Variants in ITPRID2 observed in about 807,000 individuals in gnomAD.
ITPRID2 encodes protein ITPRID2.
Under a neutral mutation model 124.3 loss-of-function variants are expected in ITPRID2, and 60 were observed. That is an observed-to-expected ratio of 0.48 (90% confidence interval 0.39 to 0.60). ITPRID2 has a LOEUF of 0.60. Ranked by LOEUF, ITPRID2 falls within the 20% of genes least tolerant of loss-of-function variation. The probability of loss-of-function intolerance (pLI) is 0.00; values close to 1 mark genes in which losing one functional copy is unlikely to be tolerated. For synonymous variants in ITPRID2, 521 were observed against 542.9 expected (o/e 0.96, Z 0.56); for missense variants, 1,553 against 1,512.2 (o/e 1.03, Z -0.45).
Position 181,918,628 on chromosome 2 carries a change from G to A in ITPRID2, c.2818G>A (p.Ala940Thr). Residue 940 changes from alanine to threonine, a missense_variant, in exon 12 of 18, where the codon GCT becomes ACT. Transcript: ENST00000431877. ...YPMMRGPDPA[A>T]APYSTQKSSV... The stretch of plus-strand genomic sequence containing the variant: ...TATGATGAGAGGACCTGATCCTGCT[G>A]CTGCTCCATATAGTACTCAGAAATC... The A allele has an allele frequency of 1.9e-6, 3 of 1,614,046 alleles. No individual in the cohort carries two copies. The highest frequency in any genetic ancestry group is 2.5e-6 in the Non-Finnish European group (3 of 1,179,956).
chr2:181,892,885 A>G lies in ITPRID2; in HGVS notation c.257+225A>G, dbSNP rs1691878900. The G allele has an allele frequency of 1.7e-6, 1 of 592,950 alleles. No individual in the cohort carries two copies. Among genetic ancestry groups the G allele is most frequent in the African/African-American group, 1.9e-5 (1 of 53,812 alleles). 36.7% of individuals were successfully genotyped at this position (592,950 alleles called of 1,614,324 possible). On this transcript the variant is annotated intron_variant, in intron 2 of 17. Transcript: ENST00000431877. The surrounding 1 kb of genome is among the most constrained non-coding windows in gnomAD (Gnocchi z 5.2). ...TGACTTTACAGTTAGGACTTGAGCT[A>G]CTCACGCATCGTGTTAGCATCAGAG...
Position 181,907,535 on chromosome 2 carries a change from C to G in ITPRID2, c.1414-2364C>G, listed in dbSNP as rs1429569694. ...TTAGAGAAAATAATATCATGAACACCCATTACTCATCATTCTAATTCAGTT... is the reference window on the plus strand; with the variant it reads ...TTAGAGAAAATAATATCATGAACACGCATTACTCATCATTCTAATTCAGTT... On this transcript the variant is annotated intron_variant, in intron 8 of 17. Coordinates refer to ENST00000431877, the MANE Select transcript of ITPRID2 (RefSeq NM_001130445.3). The surrounding 1 kb of genome is among the most constrained non-coding windows in gnomAD (Gnocchi z 5.1). Among the ~76,000 whole-genome samples the G allele has an allele frequency of 6.6e-6, 1 of 151,748 alleles. No individual in the cohort carries two copies. Among genetic ancestry groups the G allele is most frequent in the African/African-American group, 2.4e-5 (1 of 41,290 alleles).
At chr2:181,912,894 T>G (rs1693715725) in intron 9 of ITPRID2, among the ~76,000 whole-genome samples, 1 of 152,220 alleles carries the variant, frequency 6.6e-6, no homozygotes, top group South Asian at 2.1e-4. Context: ...TTTATAAGAT[T>G]AACAATATTA....
In ITPRID2 at chr2:181,925,970, T is replaced by C. The variant is rs577326266; in HGVS notation, c.3676-2191T>C. On this transcript the variant is annotated intron_variant, in intron 16 of 17. Transcript: ENST00000431877. The stretch of plus-strand genomic sequence containing the variant: ...CATTAATGAATCAATAAATTATTTT[T>C]CCTTTAGTATTTTATGAAACCGACG... Among the ~76,000 whole-genome samples, 5 of 152,350 alleles carry C rather than the reference T, an allele frequency of 3.3e-5. No individual in the cohort carries two copies. In the South Asian group the frequency reaches 1.0e-3, roughly 32 times the overall value.
rs373950297 is a variant in ITPRID2, at chr2:181,913,894, T to A, written c.1536T>A (p.Ala512=). 6.2e-7 allele frequency: 1 copy of A among 1,613,560 alleles called. No homozygotes were observed. The highest frequency in any genetic ancestry group is 8.5e-7 in the Non-Finnish European group (1 of 1,179,784). The stretch of plus-strand genomic sequence containing the variant: ...AGCATTCCGATAGCAGTGGTTTTGC[T>A]GAAGATTCTACAGACTGCCTATCCC... ...ASQHSDSSGF[A]EDSTDCLSLN... Residue 512 remains alanine, a synonymous_variant, in exon 10 of 18, where the codon GCT becomes GCA. Coordinates refer to ENST00000431877, the MANE Select transcript of ITPRID2 (RefSeq NM_001130445.3).
chr2:181,896,811 A>T lies in ITPRID2; in HGVS notation c.308-97A>T. 1.1e-6 allele frequency: 1 copy of T among 891,680 alleles called. No homozygotes were observed. Among genetic ancestry groups the T allele is most frequent in the Non-Finnish European group, 1.9e-6 (1 of 536,274 alleles). 55.2% of individuals were successfully genotyped at this position (891,680 alleles called of 1,614,324 possible). On this transcript the variant is annotated intron_variant, in intron 3 of 17. Transcript: ENST00000431877. This position sits in a 1 kb window ranked among gnomAD's most constrained non-coding sequence, Gnocchi z 4.3. ...TCAAGTCTGAAAGATTTTACTGTAT[A>T]AGATATTTTGCTGGGTGAATTTAAC...
In ITPRID2 at chr2:181,892,366, A is replaced by C. The variant is rs531593151; in HGVS notation, c.211+89A>C. 1 of 1,406,154 alleles carries C rather than the reference A, an allele frequency of 7.1e-7. No homozygotes were observed. The highest frequency in any genetic ancestry group is 2.5e-5 in the East Asian group (1 of 39,996). The allele number at this position is 1,406,154 out of a possible 1,614,324, so 87.1% of individuals were successfully genotyped here. On this transcript the variant is annotated intron_variant, in intron 1 of 17. Transcript: ENST00000431877. This position sits in a 1 kb window ranked among gnomAD's most constrained non-coding sequence, Gnocchi z 5.2. The stretch of plus-strand genomic sequence containing the variant: ...GGGCGCCTGCCACGAGTTCTGGGAG[A>C]GCCTCGGGCACGGTAGGCCGAGGGG...
chr2:181,910,569 T>C lies in ITPRID2; in HGVS notation c.1486+598T>C. 1 of 691,886 alleles carries C rather than the reference T, an allele frequency of 1.4e-6. No individual in the cohort carries two copies. The highest frequency in any genetic ancestry group is 1.6e-5 in the South Asian group (1 of 61,804). The allele number at this position is 691,886 out of a possible 1,614,324, so 42.9% of individuals were successfully genotyped here. ...CAACAAAAATGTGTGATCTTTGGAT[T>C]TACAAAACTTTTGAGCTTTAGAGAA... is the stretch of plus-strand genomic sequence containing the variant. On this transcript the variant is annotated intron_variant, in intron 9 of 17. Transcript: ENST00000431877. This position sits in a 1 kb window ranked among gnomAD's most constrained non-coding sequence, Gnocchi z 4.1.
At chr2:181,916,820 A>G (rs775986469) in intron 11 of ITPRID2, 24 of 1,003,752 alleles carry the variant, frequency 2.4e-5, no homozygotes, top group South Asian at 4.2e-5. Flanking sequence ...CATGTTGACT[A>G]CCTTTTCCTT....
rs1377187437 is a variant in ITPRID2 at position 181,901,987 on chromosome 2, G to C, written c.934G>C (p.Gly312Arg). The change falls in exon 8 of 18, where the codon GGA becomes CGA. Residue 312 changes from glycine to arginine, a missense_variant. Coordinates refer to ENST00000431877, the MANE Select transcript of ITPRID2 (RefSeq NM_001130445.3). ...TTTATGTGTTGATAAAACAGAGAAA[G>C]GAGAAAGTAGTAGTCCTTCTCCATC... ...LNLCVDKTEK[G>R]ESSSPSPSAE... 8.1e-6 allele frequency: 13 copies of C among 1,613,714 alleles called. No homozygotes were observed. The highest frequency in any genetic ancestry group is 1.1e-5 in the Non-Finnish European group (13 of 1,179,886).
chr2:181,921,320 A>T (rs551484330), intron 15 of ITPRID2, among the ~76,000 whole-genome samples: 1 of 152,260 alleles, frequency 6.6e-6, no homozygotes, highest in South Asian at 2.1e-4. Flanking sequence ...TCTACTAAAA[A>T]TACAAAAATT....
At position 181,902,565 on chromosome 2, in the gene ITPRID2, A is replaced by T; in HGVS notation, c.1413+99A>T. The stretch of plus-strand genomic sequence containing the variant: ...GAGAGGTAGCTAATAGATTTATACT[A>T]GAAAAATTTATTCTAATTTTGACTT... On this transcript the variant is annotated intron_variant, in intron 8 of 17. Coordinates refer to ENST00000431877, the MANE Select transcript of ITPRID2 (RefSeq NM_001130445.3). The surrounding 1 kb of genome is among the most constrained non-coding windows in gnomAD (Gnocchi z 4.4). 1.2e-6 allele frequency: 1 copy of T among 858,810 alleles called. No homozygotes were observed. Among genetic ancestry groups the T allele is most frequent in the East Asian group, 2.8e-5 (1 of 35,866 alleles). 53.2% of individuals were successfully genotyped at this position (858,810 alleles called of 1,614,324 possible).
Position 181,916,419 on chromosome 2 carries a change from C to A in ITPRID2, c.2779C>A (p.Leu927Ile). 11 of 1,611,812 alleles carry A rather than the reference C, an allele frequency of 6.8e-6. No homozygotes were observed. The highest frequency in any genetic ancestry group is 9.3e-6 in the Non-Finnish European group (11 of 1,178,438). ...TGATATTAGAAACTCACTGCAGAAT[C>A]TTTCACAGGTATGAGAAAAAGTATG... ...LHDIRNSLQN[L>I]SQYPMMRGPD... The change falls in exon 11 of 18, where the codon CTT becomes ATT. Residue 927 changes from leucine (L) to isoleucine (I), a missense_variant. Transcript: ENST00000431877.
In ITPRID2 at chr2:181,918,670, T is replaced by C. The variant is rs765078576; in HGVS notation, c.2860T>C (p.Tyr954His). Reference sequence around the variant, plus strand: ...TCAGAAATCATCTGTTCTACCTCTTTATGAAGTAAGTTCTTTCTTACATCT... The same window carrying C: ...TCAGAAATCATCTGTTCTACCTCTTCATGAAGTAAGTTCTTTCTTACATCT... ...STQKSSVLPL[Y>H]ENTFQELQVM... Residue 954 changes from tyrosine to histidine, a missense_variant, in exon 12 of 18, where the codon TAT (tyrosine) becomes CAT (histidine). By Grantham distance (83) the Tyr-to-His change is moderately conservative. Transcript: ENST00000431877. 30 of 1,613,978 alleles carry C rather than the reference T, an allele frequency of 1.9e-5. No individual in the cohort carries two copies. The Admixed American group carries it at 4.7e-4, about 25-fold the overall frequency.
In ITPRID2 at chr2:181,896,944, A is replaced by C; in HGVS notation, c.344A>C (p.Asp115Ala). ...LVRNGGSFEDDLSLGAEANHL... is the reference protein window; with the variant it reads ...LVRNGGSFEDALSLGAEANHL... Reference sequence around the variant, plus strand: ...AGAAATGGAGGAAGTTTTGAAGATGATTTGTCATTGGGAGCTGAAGGTATG... The same window carrying C: ...AGAAATGGAGGAAGTTTTGAAGATGCTTTGTCATTGGGAGCTGAAGGTATG... The change falls in exon 4 of 18, where the codon GAT becomes GCT. Residue 115 changes from aspartate (D) to alanine (A), a missense_variant. Asp to Ala is a moderately radical substitution (Grantham distance 126). Coordinates refer to ENST00000431877, the MANE Select transcript of ITPRID2 (RefSeq NM_001130445.3). The surrounding 1 kb of genome is among the most constrained non-coding windows in gnomAD (Gnocchi z 4.3). 4.3e-6 allele frequency: 7 copies of C among 1,612,626 alleles called. No homozygotes were observed. Among genetic ancestry groups the C allele is most frequent in the Non-Finnish European group, 5.9e-6 (7 of 1,178,946 alleles).
intron 10 of ITPRID2, among the ~76,000 whole-genome samples, chr2:181,914,187 TGTG>T (rs1693849492): frequency 6.6e-6 from 1 of 152,212 alleles, no homozygotes; most frequent in East Asian, 1.9e-4. Context: ...CAGAGATTAT[TGTG>T]ATCATTAACC....
chr2:181,922,828 A>G (rs990564385), intron 16 of ITPRID2, among the ~76,000 whole-genome samples: 4 of 152,144 alleles, frequency 2.6e-5, no homozygotes, highest in Non-Finnish European at 4.4e-5. Context: ...AGGCTGGGGT[A>G]GGAGAATTGC....
rs972544423 is a variant in ITPRID2 at position 181,907,527 on chromosome 2, A to G, written c.1414-2372A>G. Among the ~76,000 whole-genome samples the G allele has an allele frequency of 1.3e-5, 2 of 151,868 alleles. No individual in the cohort carries two copies. The highest frequency in any genetic ancestry group is 2.1e-4 in the South Asian group (1 of 4,828). On this transcript the variant is annotated intron_variant, in intron 8 of 17. Coordinates refer to ENST00000431877, the MANE Select transcript of ITPRID2 (RefSeq NM_001130445.3). This position sits in a 1 kb window ranked among gnomAD's most constrained non-coding sequence, Gnocchi z 5.1. Reference sequence around the variant, plus strand: ...CTTGAAGATTAGAGAAAATAATATCATGAACACCCATTACTCATCATTCTA... The same window carrying G: ...CTTGAAGATTAGAGAAAATAATATCGTGAACACCCATTACTCATCATTCTA...
At position 181,892,753 on chromosome 2, in the gene ITPRID2, C is replaced by T. The variant is rs1377375969; in HGVS notation, c.257+93C>T. On this transcript the variant is annotated intron_variant, in intron 2 of 17. Coordinates refer to ENST00000431877, the MANE Select transcript of ITPRID2 (RefSeq NM_001130445.3). This position sits in a 1 kb window ranked among gnomAD's most constrained non-coding sequence, Gnocchi z 5.2. Reference sequence around the variant, plus strand: ...ACTCGGGCCGCGTCCCTGTGGGTCCCGCGACCGTTGTAAGCTACAAACCGG... The same window carrying T: ...ACTCGGGCCGCGTCCCTGTGGGTCCTGCGACCGTTGTAAGCTACAAACCGG... 13 of 1,477,550 alleles carry T rather than the reference C, an allele frequency of 8.8e-6. No individual in the cohort carries two copies. Among genetic ancestry groups the T allele is most frequent in the African/African-American group, 1.4e-5 (1 of 71,884 alleles). The allele number at this position is 1,477,550 out of a possible 1,614,324, so 91.5% of individuals were successfully genotyped here. A position where few individuals can be genotyped will look rare whatever the true frequency, so the allele number is the denominator to read the frequency against.
Sources: gnomAD v4.1 joint callset for allele counts (sites outside exome capture counted in the v4.1 genomes callset) on GRCh38, gnomAD v4.1.1 for gene constraint, Gnocchi (gnomAD v3.1) non-coding constraint, MANE v1.5 for transcripts, NCBI Gene and HGNC (gene_info 2026-07-23, HGNC 2026-07-21) for gene names.